NCOR2: variants seen among roughly 807,000 people sequenced by gnomAD.
NCOR2 encodes nuclear receptor corepressor 2.
NCOR2 carries 81 observed loss-of-function variants against 262.9 expected under a neutral mutation model. The ratio of observed to expected loss-of-function variants is 0.31; its 90% CI spans 0.26 to 0.37. The LOEUF (loss-of-function observed/expected upper bound fraction) is 0.37, where lower values mean the gene tolerates loss of function less well. NCOR2 is among the 10% of genes least tolerant of loss of function. The pLI, the probability that NCOR2 is intolerant of heterozygous loss-of-function variation, is 1.00. For synonymous variants in NCOR2, 1,659 were observed against 1,559.3 expected, an observed-to-expected ratio of 1.06 and a Z score of -1.51; for missense variants, 3,385 against 3,621.4, an observed-to-expected ratio of 0.93 and a Z score of 1.68.
At chr12:124,339,219 A>ACCACCCCCCCC (rs1566363037) in intron 37 of NCOR2, among the ~76,000 whole-genome samples, 3 of 63,316 alleles carry the variant, frequency 4.7e-5, no homozygotes, top group Non-Finnish European at 2.9e-5. Context: ...TCTACCTACC[A>ACCACCCCCCCC]CCCACCCACC....
intron 30 of NCOR2, 135 bp downstream of exon 32, chr12:124,347,690 G>A (rs2037053812): frequency 1.2e-6 from 1 of 820,846 alleles, no homozygotes; most frequent in South Asian, 1.7e-5. Context: ...TACTGATCAT[G>A]TACATGTGTG....
intron 6 of NCOR2, among the ~76,000 whole-genome samples, chr12:124,450,693 A>G (rs1431426713): frequency 6.6e-6 from 1 of 152,216 alleles, no homozygotes; most frequent in African/African-American, 2.4e-5. Context: ...AAAGCACGGC[A>G]GCATCTGTGA....
At chr12:124,408,136 T>C (rs1318140831) in intron 13 of NCOR2, among the ~76,000 whole-genome samples, 7 of 152,130 alleles carry the variant, frequency 4.6e-5, no homozygotes, top group Admixed American at 2.6e-4. Context: ...CGGCGGATCA[T>C]GAGGTCAGGA....
At chr12:124,388,971 C>T (rs1343552245) in intron 16 of NCOR2, 3 of 746,468 alleles carry the variant, frequency 4.0e-6, no homozygotes, top group South Asian at 3.6e-5. Flanking sequence ...CACAAGTCCG[C>T]CTGCCTGTGG....
rs554192116 is a variant in NCOR2, at chr12:124,502,029, T to C, written c.-117-6661A>G. On this transcript the variant is annotated intron_variant, in intron 1 of 46. Transcript: ENST00000404621. ...GTTGACACCTTGGGTGTTTACTTTC[T>C]GGCGTGCAGTAAAAACTGGGGAACT... is the stretch of plus-strand genomic sequence containing the variant. 3.5e-3 allele frequency among the ~76,000 whole-genome samples: 532 copies of C among 152,362 alleles called. 3 individuals are homozygous for C. Among genetic ancestry groups the C allele is most frequent in the Non-Finnish European group, 6.2e-3 (425 of 68,030 alleles).
intron 24 of NCOR2, 39 bp from the exon 27 acceptor site, chr12:124,354,978 G>A (rs773551926): frequency 1.9e-6 from 3 of 1,568,564 alleles, no homozygotes; most frequent in Non-Finnish European, 2.6e-6. Context: ...GGGCACCCTG[G>A]TCCCTCCCCC....
chr12:124,424,114 T>G (rs879732555), intron 11 of NCOR2, among the ~76,000 whole-genome samples: 3 of 152,176 alleles, frequency 2.0e-5, no homozygotes, highest in Non-Finnish European at 4.4e-5. Flanking sequence ...CTTCGGTTAC[T>G]GAATTAACAG....
chr12:124,459,754 A>G (rs2046065326), intron 5 of NCOR2, among the ~76,000 whole-genome samples: 1 of 152,182 alleles, frequency 6.6e-6, no homozygotes, highest in South Asian at 2.1e-4. Context: ...CCACAGATTC[A>G]GCCTCATGCC....
rs1304868971 is a variant in NCOR2, at chr12:124,389,805, G to A, written c.1877-3918C>T. The stretch of plus-strand genomic sequence containing the variant: ...CAAAGAGCCCTCTGCTGCTGGGGGG[G>A]TCTCGGGACCACAGCTGCCCCTTTC... On this transcript the variant is annotated intron_variant, in intron 16 of 46. Transcript: ENST00000405201. This position sits in a 1 kb window ranked among gnomAD's most constrained non-coding sequence, Gnocchi z 4.4. 6.6e-6 allele frequency among the ~76,000 whole-genome samples: 1 copy of A among 152,168 alleles called. No homozygotes were observed. The highest frequency in any genetic ancestry group is 1.5e-5 in the Non-Finnish European group (1 of 68,026).
In NCOR2 at chr12:124,346,858, G is replaced by C. The variant is rs1456834496; in HGVS notation, c.4073-8C>G. ...CGTAGGACCGAGGGATCCCTGCCGG[G>C]CCGACAGCACTGACCCTCACGCCCC... On this transcript the variant is annotated splice_region_variant and splice_polypyrimidine_tract_variant and intron_variant, in intron 30 of 46. Transcript: ENST00000405201. 3 of 1,559,410 alleles carry C rather than the reference G, an allele frequency of 1.9e-6. No individual in the cohort carries two copies. In the African/African-American group the frequency reaches 4.1e-5, roughly 21 times the overall value.
chr12:124,479,360 C>T (rs575175238), intron 3 of NCOR2, among the ~76,000 whole-genome samples: 1 of 152,064 alleles, frequency 6.6e-6, no homozygotes, highest in South Asian at 2.1e-4. Context: ...ACGTGCAACA[C>T]ATGCACACTC....
chr12:124,494,321 AGGAGGTCACAAGGG>A, intron 1 of NCOR2, among the ~76,000 whole-genome samples: 1 of 152,232 alleles, frequency 6.6e-6, no homozygotes, highest in African/African-American at 2.4e-5. Flanking sequence ...CTCAGCAGCC[AGGAGGTCACAAGGG>A]GGAGGCCCAC....
intron 7 of NCOR2, among the ~76,000 whole-genome samples, chr12:124,447,474 G>A (rs559473418): frequency 2.3e-4 from 35 of 152,198 alleles, no homozygotes; most frequent in African/African-American, 8.2e-4. Flanking sequence ...TTCTATGGCT[G>A]TCTTTATTAC....
intron 43 of NCOR2, 38 bp downstream of exon 45, chr12:124,332,281 T>C (rs1566350263): frequency 4.3e-6 from 7 of 1,611,628 alleles, no homozygotes; most frequent in Non-Finnish European, 5.9e-6. Context: ...CGCCCACCTG[T>C]GGCCCCATGC....
intron 10 of NCOR2, among the ~76,000 whole-genome samples, chr12:124,428,043 C>CTGTGTGTGTGTGTGTGTGTGTGTG (rs1491282996): frequency 2.4e-5 from 1 of 41,064 alleles, no homozygotes. Context: ...CCCATGTGGC[C>CTGTGTGTGTGTGTGTGTGTGTGTG]AGTGTGTGTG....
At chr12:124,477,946 CTG>C (rs1265358289) in intron 3 of NCOR2, among the ~76,000 whole-genome samples, 9 of 152,240 alleles carry the variant, frequency 5.9e-5, no homozygotes, top group Non-Finnish European at 4.4e-5. Context: ...CTGGGCTCCC[CTG>C]TGCCAGCTCC....
Position 124,483,938 on chromosome 12 carries a change from C to T in NCOR2, c.234-165G>A, listed in dbSNP as rs1162044730. ...CACCTCCCACGGTCCCACAGCAGGG[C>T]AGGACTCCAATGCAGCGCTGCCTTC... On this transcript the variant is annotated intron_variant, in intron 2 of 46. Transcript: ENST00000405201. This position sits in a 1 kb window ranked among gnomAD's most constrained non-coding sequence, Gnocchi z 6.3. Among the ~76,000 whole-genome samples, 1 of 152,204 alleles carries T rather than the reference C, an allele frequency of 6.6e-6. No individual in the cohort carries two copies. Among genetic ancestry groups the T allele is most frequent in the East Asian group, 1.9e-4 (1 of 5,190 alleles).
intron 5 of NCOR2, among the ~76,000 whole-genome samples, chr12:124,458,776 G>C (rs1202499101): frequency 1.3e-5 from 2 of 152,156 alleles, no homozygotes; most frequent in African/African-American, 2.4e-5. Flanking sequence ...TCCCATGCAG[G>C]ACCACCCCTA....
intron 1 of NCOR2, chr12:124,556,519 A>G (rs977210617): frequency 6.6e-6 from 1 of 152,290 alleles, no homozygotes; most frequent in African/African-American, 2.4e-5. Flanking sequence ...AAGGTGGCAC[A>G]CTGGGAAACA....
Sources: gnomAD v4.1 joint callset for allele counts (sites outside exome capture counted in the v4.1 genomes callset) on GRCh38, gnomAD v4.1.1 for gene constraint, Gnocchi (gnomAD v3.1) non-coding constraint, MANE v1.5 for transcripts, NCBI Gene and HGNC (gene_info 2026-07-23, HGNC 2026-07-21) for gene names.